Variants in PKD1L1 observed in about 807,000 individuals in gnomAD.
The protein encoded by PKD1L1 is polycystin 1 like 1, transient receptor potential channel interacting.
In PKD1L1, 236 loss-of-function variants were observed where a neutral mutation model predicts 323.4. That is an observed-to-expected ratio of 0.73 (90% confidence interval 0.66 to 0.81). PKD1L1 has a LOEUF of 0.81. Among genes scored for constraint, PKD1L1 ranks in the 40% least tolerant of loss-of-function variants. The pLI is 0.00. For missense variants in PKD1L1, 3,320 were observed against 3,508.0 expected (o/e 0.95, Z 1.35); for synonymous variants, 1,344 against 1,335.0 (o/e 1.01, Z -0.15).
intron 37 of PKD1L1, 34 bp from the exon 38 acceptor site, chr7:47,835,277 T>A: frequency 1.5e-6 from 2 of 1,369,126 alleles, no homozygotes; most frequent in Non-Finnish European, 2.0e-6. Context: ...TTACATCAAC[T>A]CAATATGAGT....
intron 22 of PKD1L1, 67 bp from the exon 23 acceptor site, chr7:47,876,284 T>C: frequency 6.5e-7 from 1 of 1,542,620 alleles, no homozygotes; most frequent in Non-Finnish European, 8.9e-7. Flanking sequence ...TCACAATACA[T>C]ACACACACAG....
chr7:47,868,037 T>C (rs576219200), intron 24 of PKD1L1, among the ~76,000 whole-genome samples: 1 of 152,350 alleles, frequency 6.6e-6, no homozygotes, highest in African/African-American at 2.4e-5. Context: ...TACAGAGCTG[T>C]ACTGTTGGGC....
intron 52 of PKD1L1, among the ~76,000 whole-genome samples, chr7:47,804,852 T>C (rs528294880): frequency 1.3e-5 from 2 of 152,102 alleles, no homozygotes; most frequent in Non-Finnish European, 2.9e-5. Context: ...ACATCTCAGT[T>C]TGGACTAGCC....
chr7:47,867,582 G>C (rs1786194486), intron 24 of PKD1L1, among the ~76,000 whole-genome samples: 1 of 152,130 alleles, frequency 6.6e-6, no homozygotes, highest in South Asian at 2.1e-4. Context: ...CCAAACATGA[G>C]AAAAATAAGC....
rs1426772079 is a variant in PKD1L1 at position 47,893,917 on chromosome 7, G to T, written c.2414C>A (p.Thr805Asn). Residue 805 changes from threonine (T) to asparagine (N), a missense_variant, in exon 15 of 57, where the codon ACC becomes AAC. Coordinates refer to ENST00000289672, the MANE Select transcript of PKD1L1 (RefSeq NM_138295.5). ...TTSSPIVLRG[T>N]QSFDPDDPGA... ...AGGGTCGTCAGGGTCGAAGGACTGG[G>T]TCCCTCTGAGGACAATGGGGGATGA... 1 of 1,614,016 alleles carries T rather than the reference G, an allele frequency of 6.2e-7. No individual in the cohort carries two copies. Among genetic ancestry groups the T allele is most frequent in the Admixed American group, 1.7e-5 (1 of 60,028 alleles).
chr7:47,942,922 A>G (rs1788018044), intron 2 of PKD1L1, among the ~76,000 whole-genome samples: 1 of 152,054 alleles, frequency 6.6e-6, no homozygotes, highest in East Asian at 1.9e-4. Context: ...CGAGGTGGGC[A>G]GATCACGAGG....
intron 23 of PKD1L1, 86 bp downstream of exon 23, chr7:47,876,011 C>T (rs921344548): frequency 1.4e-6 from 2 of 1,441,872 alleles, no homozygotes; most frequent in African/African-American, 1.4e-5. Context: ...ATTTTCTAGA[C>T]ACAGTTTAGT....
At chr7:47,816,349 A>T (rs1328646643) in intron 46 of PKD1L1, among the ~76,000 whole-genome samples, 1 of 152,220 alleles carries the variant, frequency 6.6e-6, no homozygotes, top group Admixed American at 6.5e-5. Context: ...AATGAATGAA[A>T]TTTATCATTT....
chr7:47,817,395 T>G (rs748279788), intron 46 of PKD1L1, among the ~76,000 whole-genome samples: 1 of 152,032 alleles, frequency 6.6e-6, no homozygotes, highest in Non-Finnish European at 1.5e-5. Flanking sequence ...GACACTCCAC[T>G]GTTGATTCAG....
chr7:47,915,608 G>C lies in PKD1L1; in HGVS notation c.1061-9C>G. On this transcript the variant is annotated splice_polypyrimidine_tract_variant and intron_variant, in intron 7 of 56. Coordinates refer to ENST00000289672, the MANE Select transcript of PKD1L1 (RefSeq NM_138295.5). ...AAGATGAAAAAAAATACCTATAAAAGCAAAAAGAAGAAAATAAAGATAAAA... is the reference window on the plus strand; with the variant it reads ...AAGATGAAAAAAAATACCTATAAAACCAAAAAGAAGAAAATAAAGATAAAA... The C allele has an allele frequency of 6.9e-7, 1 of 1,459,388 alleles. No individual in the cohort carries two copies. The highest frequency in any genetic ancestry group is 9.4e-7 in the Non-Finnish European group (1 of 1,068,216). 90.4% of individuals were successfully genotyped at this position (1,459,388 alleles called of 1,614,324 possible).
Position 47,877,543 on chromosome 7 carries a change from G to A in PKD1L1, c.3609C>T (p.His1203=). 1 of 1,614,028 alleles carries A rather than the reference G, an allele frequency of 6.2e-7. No homozygotes were observed. The highest frequency in any genetic ancestry group is 8.5e-7 in the Non-Finnish European group (1 of 1,179,968). ...AGACGGTGTGTGCTTCCAGACCATG[G>A]TGGGGCTGCACCTGACAGGCCATGT... ...PRDMACQVQP[H]HGLEAHTVFS... Residue 1203 remains histidine, a synonymous_variant, in exon 22 of 57, where the codon CAC becomes CAT. Coordinates refer to ENST00000289672, the MANE Select transcript of PKD1L1 (RefSeq NM_138295.5).
Position 47,931,195 on chromosome 7 carries a change from C to T in PKD1L1, c.646G>A (p.Glu216Lys). ...GGTCTGGCCACCTTGGTGGGGGTCT[C>T]CATCGTGACAGTCCCAGGAAGCAGC... is the stretch of plus-strand genomic sequence containing the variant. ...TGLLPGTVTMETPTKVARPTQ... is the reference protein window; with the variant it reads ...TGLLPGTVTMKTPTKVARPTQ... The change falls in exon 6 of 57, where the codon GAG (glutamate) becomes AAG (lysine). Residue 216 changes from glutamate (E) to lysine (K), a missense_variant. By Grantham distance (56) the Glu-to-Lys change is moderately conservative (BLOSUM62 1). Transcript: ENST00000289672. 1 of 1,614,190 alleles carries T rather than the reference C, an allele frequency of 6.2e-7. No homozygotes were observed. The highest frequency in any genetic ancestry group is 2.2e-5 in the East Asian group (1 of 44,882).
intron 43 of PKD1L1, 87 bp downstream of exon 43, chr7:47,829,953 C>T (rs759102311): frequency 1.2e-5 from 16 of 1,304,040 alleles, no homozygotes; most frequent in Non-Finnish European, 1.6e-5. Context: ...AAAAGTCATA[C>T]ACAACCAAAA....
intron 52 of PKD1L1, 142 bp from the exon 53 acceptor site, chr7:47,803,486 G>T: frequency 1.1e-6 from 1 of 928,170 alleles, no homozygotes; most frequent in Non-Finnish European, 1.6e-6. Flanking sequence ...GGGACATCAA[G>T]TGCAGATGTC....
At position 47,908,269 on chromosome 7, in the gene PKD1L1, A is replaced by G. The variant is rs776310876; in HGVS notation, c.1229-19T>C. The G allele has an allele frequency of 1.2e-5, 19 of 1,600,008 alleles. No individual in the cohort carries two copies. In the South Asian group the frequency reaches 1.9e-4, roughly 16 times the overall value. On this transcript the variant is annotated intron_variant, in intron 8 of 56. Coordinates refer to ENST00000289672, the MANE Select transcript of PKD1L1 (RefSeq NM_138295.5). ...ACTCCTTCTGGAAAAATAAGAATGA[A>G]CGGACACTTGATGAATTTTTAATAA...
At chr7:47,812,344 T>C (rs1784919333) in intron 49 of PKD1L1, among the ~76,000 whole-genome samples, 1 of 152,096 alleles carries the variant, frequency 6.6e-6, no homozygotes, top group South Asian at 2.1e-4. Flanking sequence ...CCAACCCATG[T>C]GAGGCAGAGA....
Position 47,815,639 on chromosome 7 carries a change from G to C in PKD1L1, c.6966-182C>G, listed in dbSNP as rs34712849. Among the ~76,000 whole-genome samples the C allele has an allele frequency of 0.14, 22,051 of 152,256 alleles. 1,884 individuals are homozygous for C. The highest frequency in any genetic ancestry group is 0.22 in the African/African-American group (9,292 of 41,530). On this transcript the variant is annotated intron_variant, in intron 46 of 56. Coordinates refer to ENST00000289672, the MANE Select transcript of PKD1L1 (RefSeq NM_138295.5). Reference sequence around the variant, plus strand: ...ACCCTGGAACTCACTTTGCTCCTTAGTAGCAGGAGATAAGAGAGAATGGCG... The same window carrying C: ...ACCCTGGAACTCACTTTGCTCCTTACTAGCAGGAGATAAGAGAGAATGGCG...
At chr7:47,822,287 TA>T (rs572938587) in intron 45 of PKD1L1, among the ~76,000 whole-genome samples, 1 of 151,726 alleles carries the variant, frequency 6.6e-6, no homozygotes, top group Non-Finnish European at 1.5e-5. Context: ...TCAATATCTG[TA>T]AAAAAAAGCT....
In PKD1L1 at chr7:47,886,011, G is replaced by C; in HGVS notation, c.2880C>G (p.Leu960=). Residue 960 remains leucine, a synonymous_variant, in exon 18 of 57, where the codon CTC becomes CTG. Transcript: ENST00000289672. ...ACTGTGATGACTCTGAAATGGCACC[G>C]AGTCCCAGCGAGCCAAGCAGCCCCA... ...RVVGLLGSLG[L]GAISESSQLN... 6.2e-7 allele frequency: 1 copy of C among 1,614,098 alleles called. No homozygotes were observed. The highest frequency in any genetic ancestry group is 8.5e-7 in the Non-Finnish European group (1 of 1,180,016).
Sources: gnomAD v4.1 joint callset for allele counts (sites outside exome capture counted in the v4.1 genomes callset) on GRCh38, gnomAD v4.1.1 for gene constraint, MANE v1.5 for transcripts, NCBI Gene and HGNC (gene_info 2026-07-23, HGNC 2026-07-21) for gene names.